CTNNA1: variants seen among roughly 807,000 people sequenced by gnomAD.
CTNNA1 encodes the protein catenin alpha 1, also known as catenin alpha-1.
A neutral mutation model predicts 98.4 loss-of-function variants in CTNNA1; 37 were observed. The observed-to-expected ratio is 0.38, with a 90% CI of 0.29 to 0.49. CTNNA1 has a LOEUF of 0.49. CTNNA1 is among the 20% of genes least tolerant of loss of function. The probability of loss-of-function intolerance (pLI) is 0.95; values close to 1 mark genes in which losing one functional copy is unlikely to be tolerated. For missense variants in CTNNA1, 761 were observed against 1,147.2 expected (o/e 0.66, Z 4.86); for synonymous variants, 404 against 413.2 (o/e 0.98, Z 0.27).
chr5:138,886,583 A>C (rs1016505497), intron 8 of CTNNA1, among the ~76,000 whole-genome samples: 15 of 152,212 alleles, frequency 9.9e-5, no homozygotes, highest in African/African-American at 3.6e-4. Context: ...ACCTGTGAAA[A>C]TAATCCTGAA....
At position 138,756,283 on chromosome 5, in the gene CTNNA1, G is replaced by A. The variant is rs188788195; in HGVS notation, c.-3+2773G>A. Among the ~76,000 whole-genome samples, 24 of 151,830 alleles carry A rather than the reference G, an allele frequency of 1.6e-4. No individual in the cohort carries two copies. The East Asian group carries it at 4.5e-3, about 28-fold the overall frequency. Reference sequence around the variant, plus strand: ...AACTCCTGACCTCGTGATCCACCTCGGCCTCCCAAAGTGCTGGGATTGCAG... The same window carrying A: ...AACTCCTGACCTCGTGATCCACCTCAGCCTCCCAAAGTGCTGGGATTGCAG... On this transcript the variant is annotated intron_variant, in intron 1 of 17. Coordinates refer to ENST00000302763, the MANE Select transcript of CTNNA1 (RefSeq NM_001903.5).
chr5:138,892,313 A>G (rs941873304), intron 9 of CTNNA1, among the ~76,000 whole-genome samples: 3 of 150,412 alleles, frequency 2.0e-5, no homozygotes, highest in Admixed American at 6.7e-5. Flanking sequence ...TGGAAAAAGA[A>G]TATAAAATAG....
At chr5:138,796,007 T>C (rs545624750) in intron 3 of CTNNA1, among the ~76,000 whole-genome samples, 1 of 152,362 alleles carries the variant, frequency 6.6e-6, no homozygotes, top group Admixed American at 6.5e-5. Flanking sequence ...TTGCTTTTTT[T>C]CATTTAATGG....
At chr5:138,796,192 A>G (rs1229484885) in intron 3 of CTNNA1, among the ~76,000 whole-genome samples, 1 of 152,222 alleles carries the variant, frequency 6.6e-6, no homozygotes, top group African/African-American at 2.4e-5. Flanking sequence ...ACATTTTCAA[A>G]GGAGTATAGT....
At position 138,924,705 on chromosome 5, in the gene CTNNA1, A is replaced by G. The variant is rs139134468; in HGVS notation, c.1742A>G (p.Asn581Ser). The change falls in exon 12 of 18, where the codon AAC becomes AGC. Residue 581 changes from asparagine to serine, a missense_variant. Asn to Ser is a conservative substitution (Grantham distance 46, BLOSUM62 1). This residue lies in a region of CTNNA1 where 287 missense variants were observed against 436.0 expected (regional missense o/e 0.66). Coordinates refer to ENST00000302763, the MANE Select transcript of CTNNA1 (RefSeq NM_001903.5). Reference protein sequence around the residue: ...KVLEATKLLSNTVMPRFTEQV... With the variant: ...KVLEATKLLSSTVMPRFTEQV... ...CTGGAAGCCACTAAGCTGCTCTCCA[A>G]CACAGGTACGGGAACTCTCCCTTTC... The G allele has an allele frequency of 2.3e-5, 36 of 1,568,712 alleles. No individual in the cohort carries two copies. Among genetic ancestry groups the G allele is most frequent in the African/African-American group, 6.8e-5 (5 of 73,722 alleles).
chr5:138,844,280 G>T (rs1762517714), intron 7 of CTNNA1, among the ~76,000 whole-genome samples: 1 of 152,102 alleles, frequency 6.6e-6, no homozygotes, highest in African/African-American at 2.4e-5. Context: ...ATAGACACAA[G>T]CCACCGCACC....
At chr5:138,894,417 G>C (rs1335039531) in intron 9 of CTNNA1, among the ~76,000 whole-genome samples, 1 of 149,512 alleles carries the variant, frequency 6.7e-6, no homozygotes, top group African/African-American at 2.5e-5. Flanking sequence ...GAGTAGCTGG[G>C]GCCACAGGTG....
chr5:138,767,943 T>C (rs1753116196), intron 1 of CTNNA1, among the ~76,000 whole-genome samples: 1 of 152,220 alleles, frequency 6.6e-6, no homozygotes, highest in South Asian at 2.1e-4. Context: ...TCTTGAGAAA[T>C]GCAGAATCTT....
intron 5 of CTNNA1, among the ~76,000 whole-genome samples, chr5:138,817,090 A>G (rs1475011480): frequency 6.6e-6 from 1 of 152,244 alleles, no homozygotes; most frequent in Non-Finnish European, 1.5e-5. Flanking sequence ...ATCCCTTATC[A>G]GATGAATAGT....
chr5:138,762,451 C>T (rs1169794031), intron 1 of CTNNA1, among the ~76,000 whole-genome samples: 1 of 151,690 alleles, frequency 6.6e-6, no homozygotes, highest in East Asian at 1.9e-4. Flanking sequence ...ATTGCCCTTT[C>T]TCTGTTAGAG....
At chr5:138,894,281 C>CTTTTTTTTTTTTTTTTT (rs539073038) in intron 9 of CTNNA1, among the ~76,000 whole-genome samples, 4 of 123,942 alleles carry the variant, frequency 3.2e-5, no homozygotes, top group African/African-American at 3.9e-5. Flanking sequence ...TTTTCTTTCT[C>CTTTTTTTTTTTTTTTTT]TTTTTTTTTT....
chr5:138,849,514 G>A (rs1010819743), intron 7 of CTNNA1, among the ~76,000 whole-genome samples: 1 of 152,200 alleles, frequency 6.6e-6, no homozygotes, highest in Non-Finnish European at 1.5e-5. Context: ...AACATTCTCT[G>A]TCTTTAGAGC....
At chr5:138,769,239 A>G (rs2149600009) in intron 1 of CTNNA1, among the ~76,000 whole-genome samples, 1 of 152,096 alleles carries the variant, frequency 6.6e-6, no homozygotes, top group Non-Finnish European at 1.5e-5. Context: ...GACTCTAGTC[A>G]AGTCCAGGCA....
intron 7 of CTNNA1, among the ~76,000 whole-genome samples, chr5:138,860,318 A>T (rs1258387403): frequency 6.6e-6 from 1 of 152,184 alleles, no homozygotes; most frequent in African/African-American, 2.4e-5. Context: ...GATTCAACAC[A>T]CATCTAATTC....
rs73267591 is a variant in CTNNA1 at position 138,798,606 on chromosome 5, C to T, written c.302-11432C>T. On this transcript the variant is annotated intron_variant, in intron 3 of 17. Transcript: ENST00000302763. ...ATGATATTTGATGCTTCAAAAACTT[C>T]TTGATTTTGTCTTCTCCTAATAAAG... Among the ~76,000 whole-genome samples, 207 of 152,270 alleles carry T rather than the reference C, an allele frequency of 1.4e-3. 1 individual carries two copies. The highest frequency in any genetic ancestry group is 4.7e-3 in the African/African-American group (194 of 41,566).
chr5:138,923,588 G>A (rs1198919970), intron 11 of CTNNA1, among the ~76,000 whole-genome samples: 3 of 152,150 alleles, frequency 2.0e-5, no homozygotes, highest in East Asian at 3.9e-4. Context: ...GCAGTGGCGC[G>A]ATCTTGGCTC....
chr5:138,910,175 G>A (rs769848785), intron 10 of CTNNA1, among the ~76,000 whole-genome samples: 1 of 132,876 alleles, frequency 7.5e-6, no homozygotes, highest in Non-Finnish European at 1.6e-5. Context: ...AGGCTTGCCT[G>A]TTGCTTTGCT....
At chr5:138,879,959 C>G (rs1288389759) in intron 7 of CTNNA1, among the ~76,000 whole-genome samples, 1 of 152,166 alleles carries the variant, frequency 6.6e-6, no homozygotes, top group Non-Finnish European at 1.5e-5. Flanking sequence ...GGGTCAGAAT[C>G]ATGTGACAAC....
At chr5:138,790,020 G>A (rs1372734649) in intron 3 of CTNNA1, among the ~76,000 whole-genome samples, 2 of 152,238 alleles carry the variant, frequency 1.3e-5, no homozygotes, top group South Asian at 2.1e-4. Context: ...ATGAGGAAAA[G>A]TGGAGTTTTT....
Sources: allele counts gnomAD v4.1 joint callset (sites outside exome capture counted in the v4.1 genomes callset), GRCh38; gene constraint gnomAD v4.1.1; regional missense constraint gnomAD v4.1.1; transcripts MANE v1.5; gene names NCBI Gene and HGNC (gene_info 2026-07-23, HGNC 2026-07-21).